Variants in MAPK4 observed in about 807,000 individuals in gnomAD.
MAPK4 encodes the protein mitogen-activated protein kinase 4.
MAPK4 carries 22 observed loss-of-function variants against 47.7 expected under a neutral mutation model. That is an observed-to-expected ratio of 0.46 (90% CI 0.33 to 0.66). The LOEUF is 0.66. MAPK4 is among the 30% of genes least tolerant of loss of function. The pLI is 0.02. For missense variants in MAPK4, 736 were observed against 831.7 expected, an observed-to-expected ratio of 0.88 and a Z score of 1.42; for synonymous variants, 390 against 365.7, an observed-to-expected ratio of 1.07 and a Z score of -0.76.
chr18:50,592,503 C>T (rs34705576), intron 1 of MAPK4, among the ~76,000 whole-genome samples: 2,867 of 97,884 alleles, frequency 0.029, 103 homozygotes, highest in Admixed American at 0.17. Flanking sequence ...AGCCAACTCA[C>T]GTGAACCAAT....
At chr18:50,602,477 G>A (rs768179663) in intron 1 of MAPK4, among the ~76,000 whole-genome samples, 17 of 152,268 alleles carry the variant, frequency 1.1e-4, no homozygotes, top group African/African-American at 3.4e-4. Flanking sequence ...TAGCTCAGAT[G>A]GTGACTGTGT....
chr18:50,564,294 A>G (rs762322055), intron 1 of MAPK4, among the ~76,000 whole-genome samples: 5 of 152,240 alleles, frequency 3.3e-5, no homozygotes, highest in Non-Finnish European at 5.9e-5. Context: ...CCTGGGCACT[A>G]TTGATGTTAT....
chr18:50,614,163 T>C (rs1182275730), intron 1 of MAPK4, among the ~76,000 whole-genome samples: 1 of 152,160 alleles, frequency 6.6e-6, no homozygotes, highest in Non-Finnish European at 1.5e-5. Context: ...AATTCATAAA[T>C]TATATATACT....
chr18:50,626,747 C>G (rs1368585309), intron 1 of MAPK4, among the ~76,000 whole-genome samples: 4 of 152,178 alleles, frequency 2.6e-5, no homozygotes, highest in African/African-American at 9.7e-5. Flanking sequence ...CATCCAAATC[C>G]TCAGCATGAA....
intron 1 of MAPK4, among the ~76,000 whole-genome samples, chr18:50,636,907 C>T (rs980003215): frequency 6.6e-6 from 1 of 152,208 alleles, no homozygotes; most frequent in African/African-American, 2.4e-5. Context: ...GAGATCATCT[C>T]TGTTCACGAT....
chr18:50,589,554 C>G (rs1419434697), intron 1 of MAPK4, among the ~76,000 whole-genome samples: 1 of 150,262 alleles, frequency 6.7e-6, no homozygotes, highest in Non-Finnish European at 1.5e-5. Context: ...CGAGATCGCG[C>G]CACTGCACTC....
At chr18:50,597,756 G>A (rs537179132) in intron 1 of MAPK4, among the ~76,000 whole-genome samples, 14 of 152,300 alleles carry the variant, frequency 9.2e-5, no homozygotes, top group Admixed American at 2.6e-4. Context: ...TATCTCTGGG[G>A]CTCCAGCATA....
chr18:50,577,020 G>A (rs1458444181), intron 1 of MAPK4, among the ~76,000 whole-genome samples: 6 of 152,160 alleles, frequency 3.9e-5, no homozygotes, highest in South Asian at 2.1e-4. Flanking sequence ...TGGAGCCTGC[G>A]CCATGCTTTC....
intron 5 of MAPK4, 30 bp from the exon 6 acceptor site, chr18:50,729,128 C>T (rs377652586): frequency 2.3e-5 from 35 of 1,514,098 alleles, no homozygotes; most frequent in Admixed American, 4.0e-5. Flanking sequence ...GCTTGGGCAT[C>T]CAATCACCGC....
rs545581263 is a variant in MAPK4, at chr18:50,669,565, C to T, written c.546+5061C>T. The T allele has an allele frequency of 3.3e-5, 5 of 152,388 alleles. No individual in the cohort carries two copies. The South Asian group carries it at 8.3e-4, about 25-fold the overall frequency. The allele number at this position is 152,388 out of a possible 1,614,324, so 9.4% of individuals were successfully genotyped here. ...CTAAACCTGCTCATCTCCACTACAACATTCAAGAACCGTCAAACTCCTGAT... is the reference window on the plus strand; with the variant it reads ...CTAAACCTGCTCATCTCCACTACAATATTCAAGAACCGTCAAACTCCTGAT... On this transcript the variant is annotated intron_variant, in intron 2 of 5. Coordinates refer to ENST00000400384, the MANE Select transcript of MAPK4 (RefSeq NM_002747.4).
At chr18:50,624,954 A>G (rs771456722) in intron 1 of MAPK4, among the ~76,000 whole-genome samples, 1 of 152,122 alleles carries the variant, frequency 6.6e-6, no homozygotes, top group Non-Finnish European at 1.5e-5. Flanking sequence ...AAGCTTTGTC[A>G]AAACACAGGA....
chr18:50,668,092 G>C (rs1907706204), intron 2 of MAPK4, among the ~76,000 whole-genome samples: 1 of 152,196 alleles, frequency 6.6e-6, no homozygotes, highest in Non-Finnish European at 1.5e-5. Context: ...GTAAGGGTTA[G>C]GGTTAGGTTC....
At chr18:50,677,930 T>C (rs1908369524) in intron 2 of MAPK4, among the ~76,000 whole-genome samples, 1 of 152,146 alleles carries the variant, frequency 6.6e-6, no homozygotes, top group South Asian at 2.1e-4. Context: ...AGGAGACTTC[T>C]GGACAGGCTG....
At chr18:50,679,157 G>A (rs1323733966) in intron 2 of MAPK4, among the ~76,000 whole-genome samples, 1 of 152,184 alleles carries the variant, frequency 6.6e-6, no homozygotes, top group African/African-American at 2.4e-5. Flanking sequence ...GCGTGGCCTG[G>A]TTTCACAGGC....
At chr18:50,666,930 C>A (rs1009328201) in intron 2 of MAPK4, among the ~76,000 whole-genome samples, 4 of 152,186 alleles carry the variant, frequency 2.6e-5, no homozygotes, top group African/African-American at 9.7e-5. Context: ...TGCTGTGAAG[C>A]ACTTAGGGCA....
chr18:50,640,061 T>C (rs1007076011), intron 1 of MAPK4, among the ~76,000 whole-genome samples: 4 of 152,322 alleles, frequency 2.6e-5, no homozygotes, highest in Non-Finnish European at 4.4e-5. Context: ...GATATTCATC[T>C]CAGGAACTGT....
intron 1 of MAPK4, among the ~76,000 whole-genome samples, chr18:50,584,411 T>C: frequency 6.6e-6 from 1 of 152,054 alleles, no homozygotes; most frequent in East Asian, 1.9e-4. Flanking sequence ...CTCTAGGGCA[T>C]GTCTCATGTT....
At chr18:50,688,889 T>TA (rs35330620) in intron 2 of MAPK4, among the ~76,000 whole-genome samples, 88,165 of 116,208 alleles carry the variant, frequency 0.76, 32,398 homozygotes, top group Middle Eastern at 0.88. Context: ...CCTATGGAAA[T>TA]AAAAAAAAAA....
chr18:50,661,091 T>C (rs2043166828), intron 1 of MAPK4, among the ~76,000 whole-genome samples: 1 of 152,176 alleles, frequency 6.6e-6, no homozygotes, highest in Non-Finnish European at 1.5e-5. Flanking sequence ...CTCATTCCTC[T>C]CTCTGTTTAC....
Sources: gnomAD v4.1 joint callset for allele counts (sites outside exome capture counted in the v4.1 genomes callset) on GRCh38, gnomAD v4.1.1 for gene constraint, MANE v1.5 for transcripts, NCBI Gene and HGNC (gene_info 2026-07-23, HGNC 2026-07-21) for gene names.